The following CDC42BPA variants were observed in gnomAD, a reference collection of about 807,000 sequenced individuals.
The protein encoded by CDC42BPA is CDC42 binding protein kinase alpha, also known as serine/threonine-protein kinase MRCK alpha.
A neutral mutation model predicts 223.5 loss-of-function variants in CDC42BPA; 80 were observed. The ratio of observed to expected loss-of-function variants is 0.36; its 90% CI spans 0.30 to 0.43. CDC42BPA has a LOEUF of 0.43. Among genes scored for constraint, CDC42BPA ranks in the 20% least tolerant of loss-of-function variants. CDC42BPA has a pLI of 1.00. For synonymous variants in CDC42BPA, 694 were observed against 718.6 expected (o/e 0.97, Z 0.55); for missense variants, 1,743 against 2,099.9 (o/e 0.83, Z 3.32).
intron 1 of CDC42BPA, among the ~76,000 whole-genome samples, chr1:227,280,899 C>T (rs1197749744): frequency 2.0e-5 from 3 of 152,110 alleles, no homozygotes; most frequent in Non-Finnish European, 4.4e-5. Flanking sequence ...GCCAGGGATC[C>T]CAGCACAACA....
intron 3 of CDC42BPA, among the ~76,000 whole-genome samples, chr1:227,203,960 A>G (rs1270924327): frequency 1.3e-5 from 2 of 152,188 alleles, no homozygotes; most frequent in African/African-American, 2.4e-5. Context: ...CTGCTCATCA[A>G]AATTGCACAG....
At chr1:227,109,036 G>A (rs1478429535) in intron 14 of CDC42BPA, among the ~76,000 whole-genome samples, 2 of 152,086 alleles carry the variant, frequency 1.3e-5, no homozygotes, top group Non-Finnish European at 2.9e-5. Flanking sequence ...AAAAAGGTAT[G>A]TCGCATATAA....
intron 6 of CDC42BPA, among the ~76,000 whole-genome samples, chr1:227,149,050 G>A (rs912979548): frequency 6.6e-6 from 1 of 152,004 alleles, no homozygotes; most frequent in Non-Finnish European, 1.5e-5. Context: ...TACATGAGGG[G>A]GCGAGTTTGA....
chr1:227,294,839 G>A (rs1299386009), intron 1 of CDC42BPA, among the ~76,000 whole-genome samples: 3 of 107,506 alleles, frequency 2.8e-5, no homozygotes, highest in African/African-American at 1.1e-4. Context: ...CAGCCTGGGC[G>A]ACAGAGCGAG....
intron 6 of CDC42BPA, among the ~76,000 whole-genome samples, chr1:227,152,379 C>T (rs1661949555): frequency 1.3e-5 from 2 of 151,812 alleles, no homozygotes; most frequent in African/African-American, 4.8e-5. Flanking sequence ...GGTCTTTGAC[C>T]GATTTTGAGT....
rs532105396 is a variant in CDC42BPA, at chr1:227,285,697, G to A, written c.178+31308C>T. Among the ~76,000 whole-genome samples the A allele has an allele frequency of 3.9e-5, 6 of 152,192 alleles. No homozygotes were observed. In the South Asian group the frequency reaches 1.0e-3, roughly 26 times the overall value. ...ATTTAGGGTTTACCATGGGATTATC[G>A]AATGAGAATAAAATCCACAAAATCT... On this transcript the variant is annotated intron_variant, in intron 1 of 36. Coordinates refer to ENST00000366766, the MANE Select transcript of CDC42BPA (RefSeq NM_001394014.1).
intron 29 of CDC42BPA, among the ~76,000 whole-genome samples, chr1:227,030,144 A>G (rs904547947): frequency 2.0e-5 from 3 of 152,082 alleles, no homozygotes; most frequent in Non-Finnish European, 4.4e-5. Context: ...CAAAAAAAAA[A>G]AAAGAAATGC....
chr1:227,165,920 GATTAAA>G (rs939819308), intron 5 of CDC42BPA, among the ~76,000 whole-genome samples: 5 of 152,060 alleles, frequency 3.3e-5, no homozygotes, highest in Admixed American at 6.6e-5. Context: ...AGTATTGTTT[GATTAAA>G]ATTAATTAAA....
chr1:227,272,071 T>C (rs1686051299), intron 1 of CDC42BPA, among the ~76,000 whole-genome samples: 1 of 152,146 alleles, frequency 6.6e-6, no homozygotes. Flanking sequence ...AAAAGCAAAG[T>C]TTGGCCACTT....
At chr1:227,038,035 G>A (rs1670610857) in intron 24 of CDC42BPA, among the ~76,000 whole-genome samples, 1 of 152,130 alleles carries the variant, frequency 6.6e-6, no homozygotes, top group Admixed American at 6.5e-5. Context: ...TGCCTGATAT[G>A]GTTTGGCTGT....
At chr1:227,051,630 A>C (rs1673541022) in intron 22 of CDC42BPA, among the ~76,000 whole-genome samples, 1 of 152,194 alleles carries the variant, frequency 6.6e-6, no homozygotes, top group South Asian at 2.1e-4. Context: ...CTTCTGTTCT[A>C]CATGGTTCTC....
intron 1 of CDC42BPA, among the ~76,000 whole-genome samples, chr1:227,300,195 G>A (rs756944680): frequency 6.6e-5 from 10 of 152,118 alleles, no homozygotes; most frequent in Admixed American, 1.3e-4. Context: ...GGTGAAAAGC[G>A]AACACTTATA....
intron 21 of CDC42BPA, among the ~76,000 whole-genome samples, chr1:227,066,642 G>A (rs969368450): frequency 7.2e-5 from 11 of 152,038 alleles, no homozygotes; most frequent in African/African-American, 2.7e-4. Context: ...AAATATTGGT[G>A]GTGGATAGAT....
At chr1:227,154,002 G>A (rs1662269165) in intron 6 of CDC42BPA, among the ~76,000 whole-genome samples, 1 of 151,860 alleles carries the variant, frequency 6.6e-6, no homozygotes, top group East Asian at 1.9e-4. Flanking sequence ...CCAATGTCAT[G>A]TATGAATGCC....
At chr1:227,201,030 T>C (rs1248961655) in intron 3 of CDC42BPA, among the ~76,000 whole-genome samples, 3 of 152,246 alleles carry the variant, frequency 2.0e-5, no homozygotes, top group South Asian at 2.1e-4. Flanking sequence ...CTCTAATGGA[T>C]TGTTTTTTCA....
At chr1:227,112,144 A>G (rs1687030988) in intron 14 of CDC42BPA, 168 bp downstream of exon 14, 1 of 427,478 alleles carries the variant, frequency 2.3e-6, no homozygotes, top group East Asian at 3.5e-5. Flanking sequence ...AGCATAATTA[A>G]GAAATCTGTA....
intron 11 of CDC42BPA, among the ~76,000 whole-genome samples, chr1:227,122,446 GA>G (rs1297340196): frequency 2.0e-5 from 3 of 152,142 alleles, no homozygotes; most frequent in Non-Finnish European, 4.4e-5. Context: ...TATCACAGGG[GA>G]TAGCTTCTAA....
intron 21 of CDC42BPA, among the ~76,000 whole-genome samples, chr1:227,053,659 T>C (rs1673985797): frequency 1.3e-5 from 2 of 152,124 alleles, no homozygotes; most frequent in Admixed American, 1.3e-4. Flanking sequence ...AGCAGAGTAA[T>C]TTACTCAAAG....
intron 16 of CDC42BPA, among the ~76,000 whole-genome samples, chr1:227,084,595 A>G (rs894558363): frequency 1.3e-5 from 2 of 150,578 alleles, no homozygotes; most frequent in Non-Finnish European, 3.0e-5. Flanking sequence ...TCAGAGCTAC[A>G]TTTTTTTCTG....
Sources: allele counts gnomAD v4.1 joint callset (sites outside exome capture counted in the v4.1 genomes callset), GRCh38; gene constraint gnomAD v4.1.1; transcripts MANE v1.5; gene names NCBI Gene and HGNC (gene_info 2026-07-23, HGNC 2026-07-21).